The following PTPRD variants were observed in gnomAD, a reference collection of about 807,000 sequenced individuals.
PTPRD encodes the protein receptor-type tyrosine-protein phosphatase delta.
Under a neutral mutation model 214.5 loss-of-function variants are expected in PTPRD, and 34 were observed. That is an observed-to-expected ratio of 0.16 (90% CI 0.12 to 0.21). PTPRD has a LOEUF of 0.21. Ranked by LOEUF, PTPRD falls within the 10% of genes least tolerant of loss-of-function variation. The pLI is 1.00. For missense variants in PTPRD, 2,545 were observed against 2,398.7 expected (o/e 1.06, Z -1.27); for synonymous variants, 1,128 against 845.7 (o/e 1.33, Z -5.79).
Position 8,437,345 on chromosome 9 carries a change from T to C in PTPRD, c.3989-656A>G, listed in dbSNP as rs943595076. The stretch of plus-strand genomic sequence containing the variant: ...TTTTTAAAAGGACTAATTAAAATGC[T>C]GCAAGTTTTTACAGAATTCACTATA... On this transcript the variant is annotated intron_variant, in intron 34 of 45. Transcript: ENST00000381196. 2.6e-5 allele frequency: 23 copies of C among 889,742 alleles called. 1 individual carries two copies. In the South Asian group the frequency reaches 3.7e-4, roughly 14 times the overall value. 55.1% of individuals were successfully genotyped at this position (889,742 alleles called of 1,614,324 possible).
chr9:8,460,342 G>C (rs2134126289), intron 33 of PTPRD, 69 bp downstream of exon 33: 1 of 1,572,500 alleles, frequency 6.4e-7, no homozygotes, highest in Non-Finnish European at 8.7e-7. Context: ...AAGGACAGCA[G>C]AACAATGATC....
intron 7 of PTPRD, among the ~76,000 whole-genome samples, chr9:9,660,418 G>C (rs892782246): frequency 6.6e-6 from 1 of 151,978 alleles, no homozygotes; most frequent in Non-Finnish European, 1.5e-5. Flanking sequence ...TGGTGGCCCT[G>C]GGTCAGTGAG....
intron 2 of PTPRD, among the ~76,000 whole-genome samples, chr9:10,519,789 T>C (rs1274694245): frequency 2.6e-5 from 4 of 152,250 alleles, no homozygotes; most frequent in Non-Finnish European, 2.9e-5. Context: ...GATGTTACTA[T>C]TGTCATTGTT....
At chr9:10,136,756 A>T (rs1217605598) in intron 3 of PTPRD, among the ~76,000 whole-genome samples, 1 of 74,732 alleles carries the variant, frequency 1.3e-5, no homozygotes, top group African/African-American at 5.9e-5. Flanking sequence ...CATCAGAGTG[A>T]ACAGGCAACC....
intron 11 of PTPRD, among the ~76,000 whole-genome samples, chr9:8,799,389 A>C (rs1043366534): frequency 5.3e-5 from 8 of 152,320 alleles, no homozygotes; most frequent in Admixed American, 3.9e-4. Context: ...GTGACCCCTG[A>C]AGTTCTTTGA....
chr9:10,227,346 A>G (rs189236350), intron 3 of PTPRD, among the ~76,000 whole-genome samples: 6 of 152,168 alleles, frequency 3.9e-5, no homozygotes, highest in Admixed American at 2.6e-4. Context: ...GATTAAAAAT[A>G]TGTTGTAAGG....
At chr9:9,933,815 C>G (rs2087895439) in intron 5 of PTPRD, among the ~76,000 whole-genome samples, 2 of 149,210 alleles carry the variant, frequency 1.3e-5, no homozygotes. Flanking sequence ...CAAAATTGAC[C>G]ACATACTTGG....
At chr9:10,509,815 A>C (rs781672024) in intron 2 of PTPRD, among the ~76,000 whole-genome samples, 2 of 151,702 alleles carry the variant, frequency 1.3e-5, no homozygotes, top group Non-Finnish European at 2.9e-5. Context: ...ATATGGAGCT[A>C]AGATATATAT....
chr9:10,375,746 A>G (rs1271863797), intron 2 of PTPRD, among the ~76,000 whole-genome samples: 1 of 152,016 alleles, frequency 6.6e-6, no homozygotes, highest in African/African-American at 2.4e-5. Context: ...GTGATAGAAT[A>G]TCTGGAAAAC....
chr9:9,009,684 T>A (rs1589730336), intron 11 of PTPRD, among the ~76,000 whole-genome samples: 1 of 152,126 alleles, frequency 6.6e-6, no homozygotes, highest in South Asian at 2.1e-4. Context: ...GACATTGGTG[T>A]ATCTGTGGAT....
At chr9:9,366,661 T>G (rs1382933653) in intron 9 of PTPRD, among the ~76,000 whole-genome samples, 3 of 151,488 alleles carry the variant, frequency 2.0e-5, no homozygotes, top group African/African-American at 7.3e-5. Flanking sequence ...ATCATACCAG[T>G]TACATTTCTT....
chr9:9,047,790 C>T (rs1260686912), intron 10 of PTPRD, among the ~76,000 whole-genome samples: 1 of 151,984 alleles, frequency 6.6e-6, no homozygotes, highest in Non-Finnish European at 1.5e-5. Context: ...TAAAAGAAAA[C>T]ATTGGAGAAG....
At chr9:8,463,893 A>T (rs960484606) in intron 32 of PTPRD, among the ~76,000 whole-genome samples, 1 of 151,936 alleles carries the variant, frequency 6.6e-6, no homozygotes, top group Non-Finnish European at 1.5e-5. Context: ...AAATGACTCT[A>T]GCTGGATACA....
intron 11 of PTPRD, among the ~76,000 whole-genome samples, chr9:8,871,921 T>A (rs1375797533): frequency 3.3e-5 from 5 of 152,220 alleles, no homozygotes; most frequent in African/African-American, 9.6e-5. Flanking sequence ...GTAATTCAGA[T>A]TGGCATCATT....
chr9:10,320,630 T>C (rs186911281), intron 3 of PTPRD, among the ~76,000 whole-genome samples: 3 of 152,182 alleles, frequency 2.0e-5, no homozygotes, highest in East Asian at 3.9e-4. Flanking sequence ...AATGACATCA[T>C]TAAAATTCAA....
intron 9 of PTPRD, among the ~76,000 whole-genome samples, chr9:9,226,574 G>C (rs534281572): frequency 1.3e-5 from 2 of 152,072 alleles, no homozygotes; most frequent in Non-Finnish European, 1.5e-5. Context: ...ATGTGGGAAA[G>C]AGGAAGGAAC....
chr9:8,687,991 G>A (rs143722963), intron 12 of PTPRD, among the ~76,000 whole-genome samples: 2 of 152,238 alleles, frequency 1.3e-5, no homozygotes, highest in African/African-American at 4.8e-5. Context: ...AATTCTGAAT[G>A]CCTACAAAAT....
chr9:9,906,907 T>C (rs2077724159), intron 5 of PTPRD, among the ~76,000 whole-genome samples: 1 of 151,996 alleles, frequency 6.6e-6, no homozygotes, highest in Non-Finnish European at 1.5e-5. Flanking sequence ...GAACTTATTC[T>C]TAATTCACTG....
chr9:8,780,810 A>G (rs1021907052), intron 11 of PTPRD, among the ~76,000 whole-genome samples: 5 of 152,218 alleles, frequency 3.3e-5, no homozygotes, highest in Admixed American at 1.3e-4. Context: ...ATGCCAGAAA[A>G]GGAAGGAGAT....
Sources: gnomAD v4.1 joint callset for allele counts (sites outside exome capture counted in the v4.1 genomes callset) on GRCh38, gnomAD v4.1.1 for gene constraint, MANE v1.5 for transcripts, NCBI Gene and HGNC (gene_info 2026-07-23, HGNC 2026-07-21) for gene names.